Variants in STXBP4 observed in about 807,000 individuals in gnomAD.
The protein encoded by STXBP4 is syntaxin-binding protein 4.
In STXBP4, 55 loss-of-function variants were observed where a neutral mutation model predicts 76.1. The ratio of observed to expected loss-of-function variants is 0.72; its 90% confidence interval spans 0.58 to 0.91. STXBP4 has a LOEUF of 0.91. Among genes scored for constraint, STXBP4 ranks in the 40% least tolerant of loss-of-function variants. The probability of loss-of-function intolerance (pLI) is 0.00; values close to 1 mark genes in which losing one functional copy is unlikely to be tolerated. For missense variants in STXBP4, 618 were observed against 636.9 expected (o/e 0.97, Z 0.32); for synonymous variants, 201 against 220.2 (o/e 0.91, Z 0.77).
intron 16 of STXBP4, among the ~76,000 whole-genome samples, chr17:55,138,729 A>G (rs2080062616): frequency 1.3e-5 from 2 of 152,144 alleles, no homozygotes; most frequent in East Asian, 1.9e-4. Flanking sequence ...TATTTAGATA[A>G]TGTTAGTCAT....
the STXBP4 span, among the ~76,000 whole-genome samples, chr17:55,195,209 C>T: frequency 2.0e-5 from 3 of 152,116 alleles, no homozygotes; most frequent in Admixed American, 6.6e-5. Context: ...GCAAATTATG[C>T]AGAAGGAACG....
chr17:54,999,815 A>C lies in STXBP4; in HGVS notation c.471A>C (p.Thr157=). 1 of 1,612,430 alleles carries C rather than the reference A, an allele frequency of 6.2e-7. No individual in the cohort carries two copies. The highest frequency in any genetic ancestry group is 8.5e-7 in the Non-Finnish European group (1 of 1,178,914). ...CAAAGACCTCATCCACTCCCAAAACAAATAATGACATTTTATCTTCTTGTG... is the reference window on the plus strand; with the variant it reads ...CAAAGACCTCATCCACTCCCAAAACCAATAATGACATTTTATCTTCTTGTG... ...LIPKTSSTPK[T]NNDILSSCEI... Residue 157 remains threonine, a synonymous_variant, in exon 6 of 18, where the codon ACA becomes ACC. Transcript: ENST00000376352.
chr17:55,141,409 A>G (rs1373091938), intron 17 of STXBP4, 42 bp downstream of exon 17: 1 of 1,540,228 alleles, frequency 6.5e-7, no homozygotes, highest in African/African-American at 1.4e-5. Context: ...TTTTCTTCAC[A>G]TCTGGAGAGA....
intron 10 of STXBP4, among the ~76,000 whole-genome samples, chr17:55,037,895 A>G (rs1285051923): frequency 2.0e-5 from 3 of 152,196 alleles, no homozygotes; most frequent in Non-Finnish European, 4.4e-5. Flanking sequence ...GTGGCTCACC[A>G]AAAGCAAATA....
intron 4 of STXBP4, chr17:54,991,773 T>C (rs1186086134): frequency 6.6e-6 from 1 of 150,458 alleles, no homozygotes; most frequent in Non-Finnish European, 1.5e-5. Flanking sequence ...CCATTTGATT[T>C]TGGAGAGATA....
intron 17 of STXBP4, among the ~76,000 whole-genome samples, chr17:55,152,662 C>T (rs2080229052): frequency 6.6e-6 from 1 of 152,132 alleles, no homozygotes; most frequent in Non-Finnish European, 1.5e-5. Context: ...CTTGTAAGAA[C>T]TCAGTATCAC....
chr17:55,192,269 C>A, the STXBP4 span, among the ~76,000 whole-genome samples: 1 of 152,136 alleles, frequency 6.6e-6, no homozygotes, highest in African/African-American at 2.4e-5. Context: ...TTTTCCAATA[C>A]TACATCCCAG....
chr17:55,020,662 A>G (rs2078294338), intron 8 of STXBP4, among the ~76,000 whole-genome samples: 1 of 152,098 alleles, frequency 6.6e-6, no homozygotes, highest in Non-Finnish European at 1.5e-5. Context: ...TACTAAAAAT[A>G]CAAAAATTAG....
the STXBP4 span, among the ~76,000 whole-genome samples, chr17:55,206,797 C>A: frequency 4.2e-5 from 6 of 142,120 alleles, no homozygotes; most frequent in African/African-American, 1.6e-4. Context: ...GGGGAGGTTG[C>A]AGTGAGCCAA....
chr17:55,022,300 T>A (rs2078327147), intron 8 of STXBP4, among the ~76,000 whole-genome samples: 1 of 143,516 alleles, frequency 7.0e-6, no homozygotes, highest in Non-Finnish European at 1.6e-5. Context: ...TACTTTCTGT[T>A]ATTTTTTTTT....
intron 16 of STXBP4, among the ~76,000 whole-genome samples, chr17:55,105,915 G>A (rs537110786): frequency 5.9e-5 from 9 of 152,148 alleles, no homozygotes; most frequent in South Asian, 2.1e-4. Context: ...ATGTGTTGCC[G>A]AGAATAATGT....
Position 55,045,572 on chromosome 17 carries a change from T to A in STXBP4, c.946-1517T>A, listed in dbSNP as rs377204958. On this transcript the variant is annotated intron_variant, in intron 11 of 17. Coordinates refer to ENST00000376352, the MANE Select transcript of STXBP4 (RefSeq NM_178509.6). ...TTAATTTGAAAGTGTATATGTCATG[T>A]TAATTTAACATTTCAATAAGACTTC... 3.2e-4 allele frequency among the ~76,000 whole-genome samples: 49 copies of A among 152,224 alleles called. 1 individual carries two copies. The East Asian group carries it at 3.9e-3, about 12-fold the overall frequency.
the STXBP4 span, among the ~76,000 whole-genome samples, chr17:55,185,248 T>TCTTCTTCTTCTTCTC: frequency 2.3e-5 from 1 of 43,888 alleles, no homozygotes; most frequent in African/African-American, 1.0e-4. Context: ...TTCTTCTTCT[T>TCTTCTTCTTCTTCTC]CTCCTTCTCC....
At position 55,077,820 on chromosome 17, in the gene STXBP4, A is replaced by G. The variant is rs554661125; in HGVS notation, c.1189-258A>G. 2.0e-5 allele frequency among the ~76,000 whole-genome samples: 3 copies of G among 152,182 alleles called. No individual in the cohort carries two copies. In the East Asian group the frequency reaches 5.8e-4, roughly 29 times the overall value. On this transcript the variant is annotated intron_variant, in intron 13 of 17. Transcript: ENST00000376352. Reference sequence around the variant, plus strand: ...CAAAAACAAAACAAAACAAAACCATAAACTAATTTAAATGTATTTTACTAT... The same window carrying G: ...CAAAAACAAAACAAAACAAAACCATGAACTAATTTAAATGTATTTTACTAT...
intron 17 of STXBP4, among the ~76,000 whole-genome samples, chr17:55,154,483 A>G (rs550436254): frequency 9.2e-5 from 14 of 152,298 alleles, no homozygotes; most frequent in African/African-American, 3.4e-4. Context: ...AGTATCTGAT[A>G]ATTCAGTGTA....
At chr17:55,000,081 G>C in intron 6 of STXBP4, 3 of 410,614 alleles carry the variant, frequency 7.3e-6, no homozygotes, top group Non-Finnish European at 9.8e-6. Context: ...TGACAAAATG[G>C]TTCCACAAAG....
chr17:55,042,300 T>G (rs1416124588), intron 10 of STXBP4, among the ~76,000 whole-genome samples: 2 of 152,166 alleles, frequency 1.3e-5, no homozygotes, highest in Non-Finnish European at 1.5e-5. Context: ...ATTTCTGAGC[T>G]TGTTTCTTCA....
intron 16 of STXBP4, among the ~76,000 whole-genome samples, chr17:55,099,823 T>C (rs1054370672): frequency 2.0e-5 from 3 of 152,208 alleles, no homozygotes; most frequent in African/African-American, 7.2e-5. Context: ...GAATCAACTC[T>C]TGTGTATATA....
At chr17:54,972,345 T>C (rs951957952) in intron 1 of STXBP4, among the ~76,000 whole-genome samples, 1 of 152,222 alleles carries the variant, frequency 6.6e-6, no homozygotes, top group Non-Finnish European at 1.5e-5. Context: ...ATCACTGTGA[T>C]GGATGCCAAA....
Sources: gnomAD v4.1 joint callset for allele counts (sites outside exome capture counted in the v4.1 genomes callset) on GRCh38, gnomAD v4.1.1 for gene constraint, MANE v1.5 for transcripts, NCBI Gene and HGNC (gene_info 2026-07-23, HGNC 2026-07-21) for gene names.